The following WDR48 variants were observed in gnomAD, a reference collection of about 807,000 sequenced individuals.
WDR48 encodes the protein WD repeat domain 48.
A neutral mutation model predicts 94.0 loss-of-function variants in WDR48; 22 were observed. The ratio of observed to expected loss-of-function variants is 0.23; its 90% CI spans 0.17 to 0.33. The LOEUF (loss-of-function observed/expected upper bound fraction) is 0.33, where lower values mean the gene tolerates loss of function less well. WDR48 is among the 10% of genes least tolerant of loss of function. The probability of loss-of-function intolerance (pLI) is 1.00; values close to 1 mark genes in which losing one functional copy is unlikely to be tolerated. For synonymous variants in WDR48, 278 were observed against 280.5 expected, an observed-to-expected ratio of 0.99 and a Z score of 0.09; for missense variants, 541 against 813.8, an observed-to-expected ratio of 0.66 and a Z score of 4.08.
At chr3:39,065,372 T>C (rs1421197637) in intron 2 of WDR48, among the ~76,000 whole-genome samples, 1 of 152,158 alleles carries the variant, frequency 6.6e-6, no homozygotes, top group Non-Finnish European at 1.5e-5. Flanking sequence ...CCAGGCTCCT[T>C]AGTGCACTCA....
chr3:39,054,397 C>A lies in WDR48; in HGVS notation c.48+2324C>A, dbSNP rs550335388. 1.1e-4 allele frequency among the ~76,000 whole-genome samples: 16 copies of A among 152,282 alleles called. 1 individual carries two copies. In the Middle Eastern group the frequency reaches 0.014, roughly 129 times the overall value. On this transcript the variant is annotated intron_variant, in intron 1 of 18. Transcript: ENST00000302313. Reference sequence around the variant, plus strand: ...CCAACTAGATGTAGTAGCATCTCCCCAGTTGTGACAACTAAAAATGTCTCC... The same window carrying A: ...CCAACTAGATGTAGTAGCATCTCCCAAGTTGTGACAACTAAAAATGTCTCC...
At chr3:39,085,464 C>T (rs772979447) in intron 13 of WDR48, 51 bp from the exon 14 acceptor site, 2 of 1,424,944 alleles carry the variant, frequency 1.4e-6, no homozygotes, top group South Asian at 2.4e-5. Context: ...TAGGTTAAAG[C>T]CAAGTAACTC....
chr3:39,079,897 T>C, intron 11 of WDR48, 89 bp downstream of exon 11: 1 of 684,988 alleles, frequency 1.5e-6, no homozygotes, highest in Non-Finnish European at 2.3e-6. Flanking sequence ...ATAATATAAA[T>C]TAAGATGTAA....
chr3:39,052,050 ACAG>A lies in WDR48; in HGVS notation c.29_31del (p.Ala10del). 1 of 1,613,948 alleles carries A rather than the reference ACAG, an allele frequency of 6.2e-7. No homozygotes were observed. Among genetic ancestry groups the A allele is most frequent in the Non-Finnish European group, 8.5e-7 (1 of 1,179,982 alleles). ...GATGGCGGCCCATCACCGGCAGAAC[ACAG>A]CAGGGCGGAGGAAAGTGCAGGTATG... is the stretch of plus-strand genomic sequence containing the variant. On this transcript the variant is annotated inframe_deletion, in exon 1 of 19. Coordinates refer to ENST00000302313, the MANE Select transcript of WDR48 (RefSeq NM_020839.4).
intron 8 of WDR48, 129 bp from the exon 9 acceptor site, chr3:39,077,010 T>C (rs2034261464): frequency 2.0e-6 from 2 of 978,458 alleles, no homozygotes; most frequent in Non-Finnish European, 1.5e-6. Context: ...ATCCTTAGTT[T>C]TTCACACATG....
intron 2 of WDR48, 86 bp from the exon 3 acceptor site, chr3:39,065,725 T>C (rs2033562649): frequency 5.9e-6 from 6 of 1,022,550 alleles, no homozygotes. Context: ...GTATGTCACA[T>C]TAATTGAAGA....
At position 39,074,783 on chromosome 3, in the gene WDR48, T is replaced by A. The variant is rs1559612229; in HGVS notation, c.730T>A (p.Cys244Ser). Residue 244 changes from cysteine (C) to serine (S), a missense_variant, in exon 8 of 19, where the codon TGT (cysteine) becomes AGT (serine). Transcript: ENST00000302313. ...CCTTTGGTCCCTTGGCCAGCAGAGA[T>A]GTATAGCAACATACCGAGTCCATGA... ...IRLWSLGQQRCIATYRVHDEG... is the reference protein window; with the variant it reads ...IRLWSLGQQRSIATYRVHDEG... 2 of 1,614,208 alleles carry A rather than the reference T, an allele frequency of 1.2e-6. No homozygotes were observed. The highest frequency in any genetic ancestry group is 1.7e-6 in the Non-Finnish European group (2 of 1,180,036).
At chr3:39,078,002 A>C (rs914548287) in intron 9 of WDR48, 135 bp from the exon 10 acceptor site, 11 of 617,190 alleles carry the variant, frequency 1.8e-5, no homozygotes, top group East Asian at 1.1e-4. Flanking sequence ...ACTGTGACCA[A>C]ATATTTTTCG....
intron 14 of WDR48, chr3:39,087,718 A>G (rs1250620889): frequency 6.2e-6 from 1 of 160,298 alleles, no homozygotes; most frequent in Admixed American, 6.2e-5. Flanking sequence ...GTCTTTAGTT[A>G]TGGCTGCCAT....
intron 1 of WDR48, among the ~76,000 whole-genome samples, chr3:39,061,559 T>C (rs2033266413): frequency 6.6e-6 from 1 of 152,188 alleles, no homozygotes; most frequent in Non-Finnish European, 1.5e-5. Flanking sequence ...GCAATAAACA[T>C]ACGTGGGCAT....
Sources: gnomAD v4.1 joint callset for allele counts (sites outside exome capture counted in the v4.1 genomes callset) on GRCh38, gnomAD v4.1.1 for gene constraint, MANE v1.5 for transcripts, NCBI Gene and HGNC (gene_info 2026-07-23, HGNC 2026-07-21) for gene names.